Variants in NAT10 observed in about 807,000 individuals in gnomAD.
NAT10 encodes RNA cytidine acetyltransferase.
A neutral mutation model predicts 132.2 loss-of-function variants in NAT10; 109 were observed. The ratio of observed to expected loss-of-function variants is 0.82; its 90% CI spans 0.71 to 0.97. The LOEUF is 0.97. Ranked by LOEUF, NAT10 falls within the 50% of genes least tolerant of loss-of-function variation. The probability of loss-of-function intolerance (pLI) is 0.00; values close to 1 mark genes in which losing one functional copy is unlikely to be tolerated. For synonymous variants in NAT10, 479 were observed against 478.0 expected (o/e 1.00, Z -0.03); for missense variants, 1,184 against 1,263.4 (o/e 0.94, Z 0.95).
chr11:34,141,656 C>A, intron 25 of NAT10, 63 bp from the exon 26 acceptor site: 3 of 1,449,746 alleles, frequency 2.1e-6, no homozygotes, highest in Non-Finnish European at 2.9e-6. Flanking sequence ...GTGTCTGGGT[C>A]ACGGGTGACT....
chr11:34,110,633 T>C (rs927925489), intron 3 of NAT10, among the ~76,000 whole-genome samples: 53 of 151,394 alleles, frequency 3.5e-4, no homozygotes, highest in African/African-American at 1.2e-3. Context: ...TCTATTTATC[T>C]TTGTATTTTC....
At position 34,131,547 on chromosome 11, in the gene NAT10, T is replaced by C. The variant is rs560167351; in HGVS notation, c.1520+16T>C. Reference sequence around the variant, plus strand: ...CTTGTGAACTGTATCCTCCTCTGGGTTTCACTGGCCCTGTGAAAAGGAGAG... The same window carrying C: ...CTTGTGAACTGTATCCTCCTCTGGGCTTCACTGGCCCTGTGAAAAGGAGAG... On this transcript the variant is annotated intron_variant, in intron 14 of 28. Transcript: ENST00000257829. The C allele has an allele frequency of 5.0e-6, 8 of 1,605,388 alleles. No homozygotes were observed. The highest frequency in any genetic ancestry group is 2.7e-5 in the African/African-American group (2 of 74,668).
At position 34,140,662 on chromosome 11, in the gene NAT10, G is replaced by T; in HGVS notation, c.2592+90G>T. On this transcript the variant is annotated intron_variant, in intron 24 of 28. Transcript: ENST00000257829. Reference sequence around the variant, plus strand: ...TTGGGTTGGGCACTTGGACATAATTGTGTGCCTTTAATTCCTCATACATCT... The same window carrying T: ...TTGGGTTGGGCACTTGGACATAATTTTGTGCCTTTAATTCCTCATACATCT... 3 of 1,417,862 alleles carry T rather than the reference G, an allele frequency of 2.1e-6. No individual in the cohort carries two copies. The South Asian group carries it at 4.0e-5, about 19-fold the overall frequency. 87.8% of individuals were successfully genotyped at this position (1,417,862 alleles called of 1,614,324 possible).
At chr11:34,136,084 A>AT (rs776894333) in intron 19 of NAT10, among the ~76,000 whole-genome samples, 1,669 of 141,088 alleles carry the variant, frequency 0.012, 20 homozygotes, top group African/African-American at 0.023. Flanking sequence ...TCTGTTGGGC[A>AT]TTTTTTTTTT....
Position 34,136,710 on chromosome 11 carries a change from T to A in NAT10, c.2097T>A (p.Asn699Lys), listed in dbSNP as rs764942080. The stretch of plus-strand genomic sequence containing the variant: ...TGCCTCCTTTACTCCTCAAATTGAA[T>A]GAGAGGCCTGCCGAACGCCTGGATT... ...KDLPPLLLKLNERPAERLDYL... is the reference protein window; with the variant it reads ...KDLPPLLLKLKERPAERLDYL... The change falls in exon 20 of 29, where the codon AAT (asparagine) becomes AAA (lysine). Residue 699 changes from asparagine (N) to lysine (K), a missense_variant. Coordinates refer to ENST00000257829, the MANE Select transcript of NAT10 (RefSeq NM_024662.3). The A allele has an allele frequency of 6.2e-7, 1 of 1,614,090 alleles. No homozygotes were observed. Among genetic ancestry groups the A allele is most frequent in the Non-Finnish European group, 8.5e-7 (1 of 1,179,958 alleles).
At position 34,124,436 on chromosome 11, in the gene NAT10, A is replaced by G. The variant is rs748322055; in HGVS notation, c.1107+36A>G. Reference sequence around the variant, plus strand: ...TTCTCAGACCCTGATGTGCAGGGCCAGTGTCTTGCTGTATTTAACTGGCTC... The same window carrying G: ...TTCTCAGACCCTGATGTGCAGGGCCGGTGTCTTGCTGTATTTAACTGGCTC... On this transcript the variant is annotated intron_variant, in intron 11 of 28. Transcript: ENST00000257829. The G allele has an allele frequency of 5.5e-6, 8 of 1,465,214 alleles. No homozygotes were observed. In the African/African-American group the frequency reaches 5.6e-5, roughly 10 times the overall value. 90.8% of individuals were successfully genotyped at this position (1,465,214 alleles called of 1,614,324 possible).
chr11:34,115,984 A>T, intron 6 of NAT10, 100 bp downstream of exon 6: 1 of 1,069,116 alleles, frequency 9.4e-7, no homozygotes, highest in South Asian at 1.4e-5. Flanking sequence ...TGGGGAAAGT[A>T]GTACAATATT....
At position 34,108,219 on chromosome 11, in the gene NAT10, T is replaced by C. The variant is rs763297103; in HGVS notation, c.-7T>C. On this transcript the variant is annotated 5_prime_UTR_variant, in exon 2 of 29. Transcript: ENST00000257829. ...ATTTCTTTCTCTTTTAGTAATAATT[T>C]TTCACCATGCATCGGAAAAAGGTGG... The C allele has an allele frequency of 1.2e-6, 2 of 1,609,770 alleles. No individual in the cohort carries two copies. Among genetic ancestry groups the C allele is most frequent in the East Asian group, 4.5e-5 (2 of 44,870 alleles).
chr11:34,130,236 AT>A (rs1271720708), intron 12 of NAT10, among the ~76,000 whole-genome samples: 1 of 152,158 alleles, frequency 6.6e-6, no homozygotes, highest in Admixed American at 6.5e-5. Context: ...AGGTGATTTA[AT>A]TTTTTTCTCA....
rs1464951092 is a variant in NAT10, at chr11:34,112,152, A to G, written c.301A>G (p.Asn101Asp). 2 of 1,614,120 alleles carry G rather than the reference A, an allele frequency of 1.2e-6. No homozygotes were observed. The highest frequency in any genetic ancestry group is 1.7e-6 in the Non-Finnish European group (2 of 1,180,056). ...CTTTGAACTCTTCATAGCAGCCACAAACATTCGCTACTGCTACTACAACGA... is the reference window on the plus strand; with the variant it reads ...CTTTGAACTCTTCATAGCAGCCACAGACATTCGCTACTGCTACTACAACGA... ...DPFELFIAAT[N>D]IRYCYYNETH... The change falls in exon 4 of 29, where the codon AAC becomes GAC. Residue 101 changes from asparagine to aspartate, a missense_variant. Transcript: ENST00000257829.
intron 18 of NAT10, 58 bp downstream of exon 18, chr11:34,134,644 G>T: frequency 1.4e-6 from 2 of 1,418,872 alleles, no homozygotes; most frequent in East Asian, 5.9e-5. Flanking sequence ...TAGGGTGGGG[G>T]TACTTGGTGG....
intron 1 of NAT10, among the ~76,000 whole-genome samples, chr11:34,107,717 A>G (rs1467177742): frequency 2.0e-5 from 3 of 152,170 alleles, no homozygotes; most frequent in East Asian, 3.9e-4. Context: ...TGCGAGGTCA[A>G]GAGATCGAGA....
chr11:34,145,161 G>T (rs1042612346), intron 28 of NAT10, among the ~76,000 whole-genome samples: 1 of 152,198 alleles, frequency 6.6e-6, no homozygotes, highest in Non-Finnish European at 1.5e-5. Context: ...CTGTGGAGAC[G>T]GCCTCAGCTC....
At chr11:34,110,263 G>T (rs940739336) in intron 3 of NAT10, among the ~76,000 whole-genome samples, 1 of 151,968 alleles carries the variant, frequency 6.6e-6, no homozygotes, top group Non-Finnish European at 1.5e-5. Context: ...GACTCTGAAA[G>T]CCTGTCTCCA....
chr11:34,129,404 C>T (rs1171857001), intron 12 of NAT10, among the ~76,000 whole-genome samples: 4 of 152,034 alleles, frequency 2.6e-5, no homozygotes, highest in Non-Finnish European at 2.9e-5. Context: ...TTTACATGTG[C>T]GTATTGGCCA....
chr11:34,123,346 G>A (rs1358566708), intron 9 of NAT10, among the ~76,000 whole-genome samples: 1 of 152,238 alleles, frequency 6.6e-6, no homozygotes, highest in Non-Finnish European at 1.5e-5. Context: ...AGCATCTGCT[G>A]TTAGCATCCT....
At chr11:34,133,950 A>G (rs1249054839) in intron 16 of NAT10, among the ~76,000 whole-genome samples, 1 of 151,898 alleles carries the variant, frequency 6.6e-6, no homozygotes, top group Non-Finnish European at 1.5e-5. Context: ...CAGAAGATCA[A>G]GACCATCCTG....
At position 34,143,506 on chromosome 11, in the gene NAT10, G is replaced by A. The variant is rs36006049; in HGVS notation, c.2947G>A (p.Ala983Thr). ...NEVLNKAGPN[A>T]SIISLKSDKK... ...AGTTTTGAACAAAGCTGGGCCGAAC[G>A]CCTCGATCATCAGCCTGAAAAGGTG... The change falls in exon 28 of 29, where the codon GCC becomes ACC. Residue 983 changes from alanine (A) to threonine (T), a missense_variant. Ala to Thr is a moderately conservative substitution (Grantham distance 58). Transcript: ENST00000257829. 4.4e-3 allele frequency: 7,170 copies of A among 1,613,976 alleles called. 34 individuals are homozygous for A. Among genetic ancestry groups the A allele is most frequent in the Middle Eastern group, 0.023 (139 of 6,060 alleles).
At chr11:34,141,888 G>C (rs2132982920) in intron 26 of NAT10, 71 bp downstream of exon 26, 3 of 1,273,822 alleles carry the variant, frequency 2.4e-6, no homozygotes, top group Middle Eastern at 5.2e-4. Flanking sequence ...AATTCAGACT[G>C]TCTTCCCCTT....
Sources: allele counts gnomAD v4.1 joint callset (sites outside exome capture counted in the v4.1 genomes callset), GRCh38; gene constraint gnomAD v4.1.1; transcripts MANE v1.5; gene names NCBI Gene and HGNC (gene_info 2026-07-23, HGNC 2026-07-21).